The following SEMA5A variants were observed in gnomAD, a reference collection of about 807,000 sequenced individuals.
SEMA5A encodes the protein semaphorin-5A.
In SEMA5A, 55 loss-of-function variants were observed where a neutral mutation model predicts 135.5. That is an observed-to-expected ratio of 0.41 (90% CI 0.33 to 0.51). The LOEUF (loss-of-function observed/expected upper bound fraction) is 0.51, where lower values mean the gene tolerates loss of function less well. Ranked by LOEUF, SEMA5A falls within the 20% of genes least tolerant of loss-of-function variation. The pLI is 0.37. For synonymous variants in SEMA5A, 580 were observed against 546.5 expected (o/e 1.06, Z -0.85); for missense variants, 1,290 against 1,419.9 (o/e 0.91, Z 1.47).
Position 9,404,574 on chromosome 5 carries a change from C to T in SEMA5A, c.-77-24551G>A, listed in dbSNP as rs559325476. On this transcript the variant is annotated intron_variant, in intron 2 of 22. Coordinates refer to ENST00000382496, the MANE Select transcript of SEMA5A (RefSeq NM_003966.3). The stretch of plus-strand genomic sequence containing the variant: ...ACAGCTCAAGTCTCTAATGCTGTAT[C>T]ACTAGGTTTCTTACTTAATCAAATT... Among the ~76,000 whole-genome samples the T allele has an allele frequency of 3.9e-5, 6 of 152,300 alleles. No individual in the cohort carries two copies. The East Asian group carries it at 1.2e-3, about 29-fold the overall frequency.
intron 2 of SEMA5A, among the ~76,000 whole-genome samples, chr5:9,426,580 C>T (rs1757671144): frequency 6.6e-6 from 1 of 152,034 alleles, no homozygotes; most frequent in South Asian, 2.1e-4. Flanking sequence ...TACCGCAGGC[C>T]CGTGGAGGTG....
intron 15 of SEMA5A, among the ~76,000 whole-genome samples, chr5:9,108,652 A>C (rs146969470): frequency 6.6e-6 from 1 of 152,216 alleles, no homozygotes; most frequent in South Asian, 2.1e-4. Context: ...TAAACATTGA[A>C]AGATAAAGCA....
At chr5:9,441,197 G>T (rs1472075851) in intron 1 of SEMA5A, among the ~76,000 whole-genome samples, 1 of 152,186 alleles carries the variant, frequency 6.6e-6, no homozygotes, top group East Asian at 1.9e-4. Flanking sequence ...TGATTTTTCT[G>T]CTATGTAGTT....
chr5:9,167,546 C>A (rs1270090896), intron 11 of SEMA5A, among the ~76,000 whole-genome samples: 1 of 152,148 alleles, frequency 6.6e-6, no homozygotes, highest in Non-Finnish European at 1.5e-5. Flanking sequence ...CCAGAACACC[C>A]CAGGACTTTC....
intron 22 of SEMA5A, among the ~76,000 whole-genome samples, chr5:9,043,850 G>C (rs1170351445): frequency 6.6e-6 from 1 of 152,240 alleles, no homozygotes; most frequent in African/African-American, 2.4e-5. Context: ...CATAGTAACA[G>C]TGATCAGAGA....
intron 12 of SEMA5A, among the ~76,000 whole-genome samples, chr5:9,140,496 G>A (rs562710587): frequency 6.0e-4 from 92 of 152,316 alleles, no homozygotes; most frequent in Middle Eastern, 3.4e-3. Context: ...GACCCTTCAA[G>A]TGCAACTCAT....
intron 1 of SEMA5A, among the ~76,000 whole-genome samples, chr5:9,475,106 A>G (rs749533239): frequency 2.0e-5 from 3 of 152,048 alleles, no homozygotes; most frequent in Non-Finnish European, 4.4e-5. Flanking sequence ...CTACTTTCGT[A>G]TTTTTAGGAG....
At chr5:9,350,007 C>T (rs533624466) in intron 3 of SEMA5A, among the ~76,000 whole-genome samples, 80 of 152,268 alleles carry the variant, frequency 5.3e-4, no homozygotes, top group Admixed American at 4.5e-3. Flanking sequence ...AATCCTTACA[C>T]TTACTGCACT....
chr5:9,504,104 A>G (rs1196255781), intron 1 of SEMA5A, among the ~76,000 whole-genome samples: 1 of 151,766 alleles, frequency 6.6e-6, no homozygotes, highest in South Asian at 2.1e-4. Flanking sequence ...AATCCCAGCT[A>G]CTGGGAAGGC....
At chr5:9,094,606 C>T (rs961058032) in intron 16 of SEMA5A, among the ~76,000 whole-genome samples, 1 of 152,192 alleles carries the variant, frequency 6.6e-6, no homozygotes, top group Admixed American at 6.5e-5. Flanking sequence ...CTTATTGTTC[C>T]AGAGCTTCTG....
At chr5:9,099,215 A>T (rs1455448090) in intron 16 of SEMA5A, among the ~76,000 whole-genome samples, 4 of 152,182 alleles carry the variant, frequency 2.6e-5, no homozygotes, top group Non-Finnish European at 5.9e-5. Context: ...GCCAAATTTT[A>T]GAAAACTTAT....
At chr5:9,062,157 A>T (rs1297218233) in intron 18 of SEMA5A, among the ~76,000 whole-genome samples, 1 of 152,154 alleles carries the variant, frequency 6.6e-6, no homozygotes, top group African/African-American at 2.4e-5. Context: ...AGAAGAAAAA[A>T]ACATGAACAC....
chr5:9,495,300 C>T (rs1421960705), intron 1 of SEMA5A, among the ~76,000 whole-genome samples: 1 of 152,096 alleles, frequency 6.6e-6, no homozygotes, highest in Non-Finnish European at 1.5e-5. Flanking sequence ...AACAACGTCA[C>T]ACAAGAGCAA....
intron 5 of SEMA5A, among the ~76,000 whole-genome samples, chr5:9,267,976 CTAAGT>C (rs1255762384): frequency 6.6e-6 from 1 of 152,026 alleles, no homozygotes; most frequent in East Asian, 1.9e-4. Flanking sequence ...TTAGAGGAAG[CTAAGT>C]TATCACATCC....
chr5:9,382,213 T>C (rs1755650394), intron 2 of SEMA5A, among the ~76,000 whole-genome samples: 1 of 152,122 alleles, frequency 6.6e-6, no homozygotes, highest in African/African-American at 2.4e-5. Context: ...AGCAGGAGGA[T>C]TGCATTAGTC....
intron 1 of SEMA5A, among the ~76,000 whole-genome samples, chr5:9,522,198 T>C (rs1164970189): frequency 6.6e-6 from 1 of 151,572 alleles, no homozygotes; most frequent in African/African-American, 2.4e-5. Flanking sequence ...ATCGGGCTAA[T>C]GTAATAAATA....
chr5:9,369,667 C>G (rs1362341435), intron 3 of SEMA5A, among the ~76,000 whole-genome samples: 1 of 151,950 alleles, frequency 6.6e-6, no homozygotes, highest in Non-Finnish European at 1.5e-5. Flanking sequence ...ATATGTGGGC[C>G]TATTTCTGAT....
intron 5 of SEMA5A, among the ~76,000 whole-genome samples, chr5:9,301,451 A>G (rs1202430266): frequency 3.3e-5 from 5 of 152,226 alleles, no homozygotes; most frequent in East Asian, 1.9e-4. Context: ...GGTTACGCCA[A>G]AAACAAAAGC....
rs548221869 is a variant in SEMA5A at position 9,137,708 on chromosome 5, G to A, written c.1482-1087C>T. Among the ~76,000 whole-genome samples the A allele has an allele frequency of 7.9e-5, 12 of 152,278 alleles. No individual in the cohort carries two copies. In the East Asian group the frequency reaches 2.1e-3, roughly 27 times the overall value. Reference sequence around the variant, plus strand: ...CAAACTAGTCAAGGACTAGAAATCTGGTAGGACCAGAAGTCATGGCTTAAC... The same window carrying A: ...CAAACTAGTCAAGGACTAGAAATCTAGTAGGACCAGAAGTCATGGCTTAAC... On this transcript the variant is annotated intron_variant, in intron 12 of 22. Transcript: ENST00000382496.
Sources: allele counts gnomAD v4.1 joint callset (sites outside exome capture counted in the v4.1 genomes callset), GRCh38; gene constraint gnomAD v4.1.1; transcripts MANE v1.5; gene names NCBI Gene and HGNC (gene_info 2026-07-23, HGNC 2026-07-21).